GATAD2A: variants seen among roughly 807,000 people sequenced by gnomAD.
GATAD2A encodes the protein GATA zinc finger domain containing 2A.
A neutral mutation model predicts 68.5 loss-of-function variants in GATAD2A; 12 were observed. The observed-to-expected ratio is 0.18, with a 90% CI of 0.11 to 0.28. The LOEUF (loss-of-function observed/expected upper bound fraction) is 0.28. Ranked by LOEUF, GATAD2A falls within the 10% of genes least tolerant of loss-of-function variation. GATAD2A has a pLI of 1.00. For missense variants in GATAD2A, 755 were observed against 868.5 expected, an observed-to-expected ratio of 0.87 and a Z score of 1.64; for synonymous variants, 410 against 375.3, an observed-to-expected ratio of 1.09 and a Z score of -1.07.
intron 1 of GATAD2A, among the ~76,000 whole-genome samples, chr19:19,432,612 T>C (rs2053882082): frequency 6.6e-6 from 1 of 152,242 alleles, no homozygotes; most frequent in African/African-American, 2.4e-5. Context: ...GACAGTCGTT[T>C]TTTAAAGGTC....
intron 8 of GATAD2A, among the ~76,000 whole-genome samples, chr19:19,499,652 G>T (rs2060388864): frequency 6.6e-6 from 1 of 152,148 alleles, no homozygotes; most frequent in Non-Finnish European, 1.5e-5. Context: ...TGCATCAACT[G>T]GTGCCCCCAT....
chr19:19,430,690 A>G (rs2053622629), intron 1 of GATAD2A, among the ~76,000 whole-genome samples: 1 of 152,176 alleles, frequency 6.6e-6, no homozygotes, highest in Non-Finnish European at 1.5e-5. Context: ...AGGTGCTGAC[A>G]GCTGCAGAGA....
At chr19:19,429,812 C>T (rs1375095313) in intron 1 of GATAD2A, among the ~76,000 whole-genome samples, 3 of 152,072 alleles carry the variant, frequency 2.0e-5, no homozygotes, top group East Asian at 2.0e-4. Context: ...GCCAACCTCA[C>T]GATTGGGTCT....
At chr19:19,482,394 A>ACG (rs2148264230) in intron 2 of GATAD2A, among the ~76,000 whole-genome samples, 1 of 152,290 alleles carries the variant, frequency 6.6e-6, no homozygotes, top group East Asian at 1.9e-4. Context: ...ATAGAGGGAG[A>ACG]CGCTTGTCTC....
At chr19:19,500,883 C>T (rs1290418492) in intron 8 of GATAD2A, among the ~76,000 whole-genome samples, 1 of 152,252 alleles carries the variant, frequency 6.6e-6, no homozygotes, top group Non-Finnish European at 1.5e-5. Flanking sequence ...TTGGCATGGT[C>T]CCTGCTGGTC....
intron 2 of GATAD2A, among the ~76,000 whole-genome samples, chr19:19,479,831 CTT>C (rs35537344): frequency 0.026 from 2,207 of 85,472 alleles, 35 homozygotes; most frequent in African/African-American, 0.088. Context: ...GTGGCCCACT[CTT>C]TTTTTTTTTT....
intron 1 of GATAD2A, among the ~76,000 whole-genome samples, chr19:19,438,794 C>T (rs2054654998): frequency 6.6e-6 from 1 of 152,160 alleles, no homozygotes; most frequent in Non-Finnish European, 1.5e-5. Flanking sequence ...TATAAACAGT[C>T]GTGGCACATG....
At chr19:19,446,377 G>C (rs2055721480) in intron 1 of GATAD2A, among the ~76,000 whole-genome samples, 1 of 151,874 alleles carries the variant, frequency 6.6e-6, no homozygotes, top group South Asian at 2.1e-4. Context: ...TTTTAATTGG[G>C]TTGCTTGTCT....
rs1037202123 is a variant in GATAD2A at position 19,508,138 on chromosome 19, C to A, written c.*2664C>A. 1 of 152,258 alleles carries A rather than the reference C, an allele frequency of 6.6e-6. No homozygotes were observed. The highest frequency in any genetic ancestry group is 2.4e-5 in the African/African-American group (1 of 41,448). 9.4% of individuals were successfully genotyped at this position (152,258 alleles called of 1,614,324 possible). ...AACTGATTGTAACTGTCCCCTGTTA[C>A]CTGTGACATGAACCTCCAACAGCAC... On this transcript the variant is annotated 3_prime_UTR_variant, in exon 12 of 12. Transcript: ENST00000683918.
At chr19:19,390,199 A>C (rs1029314906) in intron 1 of GATAD2A, among the ~76,000 whole-genome samples, 1 of 152,196 alleles carries the variant, frequency 6.6e-6, no homozygotes. Flanking sequence ...AAGTGATGGC[A>C]CAAAATTGGC....
At chr19:19,493,377 A>G (rs1171403652) in intron 4 of GATAD2A, among the ~76,000 whole-genome samples, 6 of 150,592 alleles carry the variant, frequency 4.0e-5, no homozygotes, top group African/African-American at 1.4e-4. Context: ...AGTCTCTACC[A>G]TCATCCCTCC....
At chr19:19,423,761 G>A (rs1221925238) in intron 1 of GATAD2A, among the ~76,000 whole-genome samples, 1 of 152,156 alleles carries the variant, frequency 6.6e-6, no homozygotes, top group Non-Finnish European at 1.5e-5. Flanking sequence ...CGAAGTGTGG[G>A]GGCTTGAGGT....
Position 19,501,389 on chromosome 19 carries a change from C to G in GATAD2A, c.1476C>G (p.Thr492=). Residue 492 remains threonine (T), a synonymous_variant, in exon 9 of 12, where the codon ACC becomes ACG. Transcript: ENST00000683918. ...TAPAQAKAEP[T]AAPHPVLKQV... Reference sequence around the variant, plus strand: ...CTGCACAGGCCAAGGCCGAGCCCACCGCTGCCCCACACCCCGTGCTGAAGC... The same window carrying G: ...CTGCACAGGCCAAGGCCGAGCCCACGGCTGCCCCACACCCCGTGCTGAAGC... 1.2e-6 allele frequency: 2 copies of G among 1,605,016 alleles called. No individual in the cohort carries two copies. Among genetic ancestry groups the G allele is most frequent in the Non-Finnish European group, 1.7e-6 (2 of 1,176,608 alleles).
intron 10 of GATAD2A, 87 bp from the exon 11 acceptor site, chr19:19,502,244 G>C (rs1244626974): frequency 8.8e-7 from 1 of 1,142,388 alleles, no homozygotes; most frequent in African/African-American, 1.5e-5. Context: ...GAAGAGGTCA[G>C]CCAGAGCAAG....
At chr19:19,454,054 A>G (rs62136981) in intron 1 of GATAD2A, among the ~76,000 whole-genome samples, 2 of 150,192 alleles carry the variant, frequency 1.3e-5, no homozygotes, top group Non-Finnish European at 3.0e-5. Flanking sequence ...CTGGAGTGCA[A>G]TGGCACAATC....
intron 1 of GATAD2A, among the ~76,000 whole-genome samples, chr19:19,410,181 TC>T (rs935888414): frequency 2.0e-5 from 3 of 152,176 alleles, no homozygotes; most frequent in Admixed American, 6.5e-5. Flanking sequence ...TCTGTCTGAT[TC>T]CTGATTTTAG....
At chr19:19,419,722 G>A (rs190791695) in intron 1 of GATAD2A, among the ~76,000 whole-genome samples, 6 of 152,076 alleles carry the variant, frequency 3.9e-5, no homozygotes, top group South Asian at 2.1e-4. Flanking sequence ...TGCCATGTTG[G>A]CCAGGCTGGT....
intron 2 of GATAD2A, among the ~76,000 whole-genome samples, chr19:19,482,803 T>C (rs1004424974): frequency 6.6e-6 from 1 of 152,206 alleles, no homozygotes; most frequent in African/African-American, 2.4e-5. Context: ...TCTTCCTGTA[T>C]TTCTAAGCAG....
chr19:19,473,826 G>T (rs1173007258), intron 2 of GATAD2A, among the ~76,000 whole-genome samples: 1 of 151,300 alleles, frequency 6.6e-6, no homozygotes, highest in Non-Finnish European at 1.5e-5. Context: ...GGCACCTGTA[G>T]TCCCAGCAAC....
Sources: gnomAD v4.1 joint callset for allele counts (sites outside exome capture counted in the v4.1 genomes callset) on GRCh38, gnomAD v4.1.1 for gene constraint, MANE v1.5 for transcripts, NCBI Gene and HGNC (gene_info 2026-07-23, HGNC 2026-07-21) for gene names.